Variants in PPP2R1B observed in about 807,000 individuals in gnomAD.
PPP2R1B encodes protein phosphatase 2 scaffold subunit Abeta, also known as serine/threonine-protein phosphatase 2A 65 kDa regulatory subunit A beta isoform.
A neutral mutation model predicts 72.7 loss-of-function variants in PPP2R1B; 58 were observed. The ratio of observed to expected loss-of-function variants is 0.80; its 90% CI spans 0.65 to 0.99. The LOEUF is 0.99. Ranked by LOEUF, PPP2R1B falls within the 50% of genes least tolerant of loss-of-function variation. The probability of loss-of-function intolerance (pLI) is 0.00; values close to 1 mark genes in which losing one functional copy is unlikely to be tolerated. For synonymous variants in PPP2R1B, 256 were observed against 264.6 expected (o/e 0.97, Z 0.32); for missense variants, 695 against 733.6 (o/e 0.95, Z 0.61).
Position 111,738,245 on chromosome 11 carries a change from G to A in PPP2R1B, c.*3351C>T, listed in dbSNP as rs765696278. On this transcript the variant is annotated 3_prime_UTR_variant, in exon 15 of 15. Transcript: ENST00000527614. Reference sequence around the variant, plus strand: ...TCTCCCTCTACAGTTTCATATCCAAGCAGTGGAGAAAAATAAGAAGCTTTA... The same window carrying A: ...TCTCCCTCTACAGTTTCATATCCAAACAGTGGAGAAAAATAAGAAGCTTTA... The A allele has an allele frequency of 6.8e-4, 673 of 985,394 alleles. No homozygotes were observed. Among genetic ancestry groups the A allele is most frequent in the Non-Finnish European group, 7.5e-4 (624 of 830,022 alleles). 61.0% of individuals were successfully genotyped at this position (985,394 alleles called of 1,614,324 possible). A position where few individuals can be genotyped will look rare whatever the true frequency, so the allele number is the denominator to read the frequency against.
At chr11:111,694,600 T>A in the PPP2R1B span, among the ~76,000 whole-genome samples, 1 of 152,194 alleles carries the variant, frequency 6.6e-6, no homozygotes, top group Non-Finnish European at 1.5e-5. Flanking sequence ...TTTTTAAAAA[T>A]TTTTAAGTAT....
the PPP2R1B span, chr11:111,720,993 A>T: frequency 6.2e-7 from 1 of 1,614,182 alleles, no homozygotes; most frequent in Non-Finnish European, 8.5e-7. Context: ...AACAAATAGG[A>T]CCGGAGGCAG....
intron 1 of PPP2R1B, 94 bp downstream of exon 1, chr11:111,766,154 T>C: frequency 8.2e-7 from 1 of 1,221,254 alleles, no homozygotes; most frequent in South Asian, 1.3e-5. Flanking sequence ...ACTCATTCAG[T>C]ACCTCGGCCA....
At chr11:111,755,898 T>C (rs573462883) in intron 5 of PPP2R1B, among the ~76,000 whole-genome samples, 2 of 152,128 alleles carry the variant, frequency 1.3e-5, no homozygotes, top group South Asian at 4.1e-4. Flanking sequence ...CGCCTGGCCG[T>C]GTATTTATAT....
chr11:111,766,217 T>A (rs1478687017), intron 1 of PPP2R1B, 31 bp downstream of exon 1: 103 of 1,609,136 alleles, frequency 6.4e-5, no homozygotes, highest in Non-Finnish European at 8.6e-5. Flanking sequence ...CCAGCCGGTC[T>A]CGCCTCGGGT....
At chr11:111,701,398 A>G in the PPP2R1B span, 3 of 1,581,472 alleles carry the variant, frequency 1.9e-6, no homozygotes, top group African/African-American at 1.3e-5. The surrounding 1 kb of genome is among the most constrained non-coding windows in gnomAD (Gnocchi z 4.2). Flanking sequence ...TCAGGAAAAC[A>G]AAGAGTGTTT....
At chr11:111,752,105 T>C in intron 10 of PPP2R1B, 54 bp downstream of exon 10, 1 of 1,510,458 alleles carries the variant, frequency 6.6e-7, no homozygotes, top group Non-Finnish European at 8.9e-7. Context: ...CTTGCCATGG[T>C]AAATTGTCAC....
downstream of PPP2R1B, chr11:111,726,858 T>G: frequency 2.0e-6 from 2 of 996,248 alleles, no homozygotes; most frequent in Non-Finnish European, 3.1e-6. Flanking sequence ...ACCAGGCTCC[T>G]CTGAAGAGAC....
In PPP2R1B at chr11:111,752,215, T is replaced by G; in HGVS notation, c.1282A>C (p.Lys428Gln). 1 of 1,614,126 alleles carries G rather than the reference T, an allele frequency of 6.2e-7. No homozygotes were observed. The highest frequency in any genetic ancestry group is 8.5e-7 in the Non-Finnish European group (1 of 1,180,008). Residue 428 changes from lysine to glutamine, a missense_variant, in exon 10 of 15, where the codon AAA (lysine) becomes CAA (glutamine). Coordinates refer to ENST00000527614, the MANE Select transcript of PPP2R1B (RefSeq NM_002716.5). The stretch of plus-strand genomic sequence containing the variant: ...ATGATGGCCAGGCGGACCCTCCATT[T>G]GGCATCTTCTGCCAGCTCCACTATG... ...PAIVELAEDAKWRVRLAIIEY... is the reference protein window; with the variant it reads ...PAIVELAEDAQWRVRLAIIEY...
rs1192901962 is a variant in PPP2R1B, at chr11:111,741,064, T to C, written c.*532A>G. On this transcript the variant is annotated 3_prime_UTR_variant, in exon 15 of 15. Coordinates refer to ENST00000527614, the MANE Select transcript of PPP2R1B (RefSeq NM_002716.5). ...TGAGCTTCCACATTCCCCTTTCACATGAGACTAATGCAGACCATCATAATT... is the reference window on the plus strand; with the variant it reads ...TGAGCTTCCACATTCCCCTTTCACACGAGACTAATGCAGACCATCATAATT... 1 of 986,354 alleles carries C rather than the reference T, an allele frequency of 1.0e-6. No homozygotes were observed. The highest frequency in any genetic ancestry group is 1.2e-6 in the Non-Finnish European group (1 of 830,370). 61.1% of individuals were successfully genotyped at this position (986,354 alleles called of 1,614,324 possible).
chr11:111,726,214 T>C (rs575493036), downstream of PPP2R1B: 1 of 152,134 alleles, frequency 6.6e-6, no homozygotes, highest in Non-Finnish European at 1.5e-5. Flanking sequence ...AGATTGAAAA[T>C]GGGGGCCACT....
At chr11:111,714,661 C>T in the PPP2R1B span, among the ~76,000 whole-genome samples, 1 of 152,134 alleles carries the variant, frequency 6.6e-6, no homozygotes, top group Non-Finnish European at 1.5e-5. Context: ...AGGGTGAGAG[C>T]CATTTTCAGA....
Position 111,742,119 on chromosome 11 carries a change from C to A in PPP2R1B, c.1723G>T (p.Val575Leu), listed in dbSNP as rs771789484. The A allele has an allele frequency of 2.5e-6, 4 of 1,613,652 alleles. No homozygotes were observed. In the South Asian group the frequency reaches 4.4e-5, roughly 18 times the overall value. Residue 575 changes from valine to leucine, a missense_variant, in exon 14 of 15, where the codon GTA becomes TTA. Transcript: ENST00000527614. ...TCATCTTGACCTAACTTCTGTAGTACTGGCTTCACTTCTCCCTGTAAAGCA... is the reference window on the plus strand; with the variant it reads ...TCATCTTGACCTAACTTCTGTAGTAATGGCTTCACTTCTCCCTGTAAAGCA... The part of the protein sequence containing the change: ...TNALQGEVKP[V>L]LQKLGQDEDM...
the PPP2R1B span, among the ~76,000 whole-genome samples, chr11:111,693,331 CAAA>C: frequency 1.1e-5 from 1 of 93,628 alleles, no homozygotes. Context: ...GACTCCGTCT[CAAA>C]AAAAAAAAAA....
Position 111,740,172 on chromosome 11 carries a change from C to T in PPP2R1B, c.*1424G>A. The T allele has an allele frequency of 1.0e-6, 1 of 985,328 alleles. No homozygotes were observed. Among genetic ancestry groups the T allele is most frequent in the African/African-American group, 1.7e-5 (1 of 57,322 alleles). 61.0% of individuals were successfully genotyped at this position (985,328 alleles called of 1,614,324 possible). The stretch of plus-strand genomic sequence containing the variant: ...AGAGAAAAATAAACTATGGGAAAAC[C>T]CCCTTAACCAAAAGTCATGAGACAA... On this transcript the variant is annotated 3_prime_UTR_variant, in exon 15 of 15. Coordinates refer to ENST00000527614, the MANE Select transcript of PPP2R1B (RefSeq NM_002716.5).
chr11:111,703,291 C>T, the PPP2R1B span: 3 of 1,614,164 alleles, frequency 1.9e-6, no homozygotes, highest in Non-Finnish European at 2.5e-6. Context: ...AATGGATGCT[C>T]ATAGAAGTTC....
the PPP2R1B span, among the ~76,000 whole-genome samples, chr11:111,708,559 T>G: frequency 2.6e-5 from 4 of 152,066 alleles, no homozygotes; most frequent in African/African-American, 9.7e-5. Context: ...TCTCATACAT[T>G]CTAACCACTA....
chr11:111,761,312 A>G (rs781858238), intron 3 of PPP2R1B: 17 of 581,968 alleles, frequency 2.9e-5, no homozygotes, highest in Non-Finnish European at 1.6e-5. Context: ...CACAGTGTAA[A>G]AGACTTGACA....
rs1944419008 is a variant in PPP2R1B, at chr11:111,738,804, C to A, written c.*2792G>T. The A allele has an allele frequency of 1.0e-6, 1 of 985,222 alleles. No homozygotes were observed. Among genetic ancestry groups the A allele is most frequent in the East Asian group, 1.1e-4 (1 of 8,814 alleles). The allele number at this position is 985,222 out of a possible 1,614,324, so 61.0% of individuals were successfully genotyped here. On this transcript the variant is annotated 3_prime_UTR_variant, in exon 15 of 15. Transcript: ENST00000527614. ...TCTCTTAAACCTGTGAGGGGTAAAC[C>A]CCACACAAATTACAGAGAGAAACAC... is the stretch of plus-strand genomic sequence containing the variant.
Sources: allele counts gnomAD v4.1 joint callset (sites outside exome capture counted in the v4.1 genomes callset), GRCh38; gene constraint gnomAD v4.1.1; non-coding constraint Gnocchi (gnomAD v3.1); transcripts MANE v1.5; gene names NCBI Gene and HGNC (gene_info 2026-07-23, HGNC 2026-07-21).